The following STYXL2 variants were observed in gnomAD, a reference collection of about 807,000 sequenced individuals.
STYXL2 encodes serine/threonine/tyrosine-interacting-like protein 2.
Under a neutral mutation model 52.4 loss-of-function variants are expected in STYXL2, and 44 were observed. The observed-to-expected ratio is 0.84, with a 90% CI of 0.66 to 1.08. The LOEUF (loss-of-function observed/expected upper bound fraction) is 1.08, where lower values mean the gene tolerates loss of function less well. Among genes scored for constraint, STYXL2 ranks in the 50% least tolerant of loss-of-function variants. STYXL2 has a pLI of 0.00. For missense variants in STYXL2, 1,604 were observed against 1,471.7 expected (o/e 1.09, Z -1.47); for synonymous variants, 604 against 586.9 (o/e 1.03, Z -0.42).
At chr1:167,099,883 C>G (rs903590567) in intron 2 of STYXL2, among the ~76,000 whole-genome samples, 1 of 152,188 alleles carries the variant, frequency 6.6e-6, no homozygotes, top group African/African-American at 2.4e-5. Flanking sequence ...ATGAACTGTC[C>G]AATTAGCAGT....
intron 5 of STYXL2, 55 bp downstream of exon 5, chr1:167,119,521 T>C: frequency 1.3e-6 from 2 of 1,513,814 alleles, no homozygotes; most frequent in Non-Finnish European, 1.8e-6. Flanking sequence ...AAAAGTAATG[T>C]GGGGAATGTT....
Position 167,128,338 on chromosome 1 carries a change from A to G in STYXL2, c.3207A>G (p.Glu1069=). 5 of 1,614,096 alleles carry G rather than the reference A, an allele frequency of 3.1e-6. No homozygotes were observed. Among genetic ancestry groups the G allele is most frequent in the Non-Finnish European group, 4.2e-6 (5 of 1,179,982 alleles). Residue 1069 remains glutamate (E), a synonymous_variant, in exon 6 of 6, where the codon GAA becomes GAG. Transcript: ENST00000361200. ...ATTGGGCCAGGTCCAGGGACTGGGA[A>G]GATGTGGAAGAGTCATCCAAGTCAG... ...RPNWARSRDW[E]DVEESSKSDF...
intron 2 of STYXL2, among the ~76,000 whole-genome samples, chr1:167,111,543 T>C (rs894749490): frequency 1.4e-5 from 2 of 143,792 alleles, no homozygotes; most frequent in South Asian, 4.4e-4. Context: ...TATATATATA[T>C]ACTATGGAAT....
chr1:167,121,565 A>T (rs1323558667), intron 5 of STYXL2, among the ~76,000 whole-genome samples: 1 of 152,264 alleles, frequency 6.6e-6, no homozygotes, highest in Non-Finnish European at 1.5e-5. Flanking sequence ...CAGAAGCGAT[A>T]GCCAGCCTTG....
intron 2 of STYXL2, among the ~76,000 whole-genome samples, chr1:167,106,193 G>C (rs1195248261): frequency 1.3e-5 from 2 of 152,154 alleles, no homozygotes; most frequent in Non-Finnish European, 2.9e-5. Context: ...AAAGTGGCAG[G>C]ATGGAGTGCT....
chr1:167,096,340 C>T (rs999896433), intron 2 of STYXL2, among the ~76,000 whole-genome samples: 2 of 152,188 alleles, frequency 1.3e-5, no homozygotes, highest in Non-Finnish European at 2.9e-5. Flanking sequence ...AGGTCCTCCT[C>T]TCTTGTATAC....
chr1:167,119,453 G>A lies in STYXL2; in HGVS notation c.642G>A (p.Leu214=), dbSNP rs1558024397. 1 of 1,614,034 alleles carries A rather than the reference G, an allele frequency of 6.2e-7. No homozygotes were observed. Among genetic ancestry groups the A allele is most frequent in the Non-Finnish European group, 8.5e-7 (1 of 1,179,992 alleles). ...CGTCTGAGTTCCTGGATGAGGCGCT[G>A]CTGACTTACAGAGGTGAGAGGGATC... ...RKASEFLDEA[L]LTYRGKVLVS... Residue 214 remains leucine (L), a synonymous_variant, in exon 5 of 6, where the codon CTG becomes CTA. Coordinates refer to ENST00000361200, the MANE Select transcript of STYXL2 (RefSeq NM_001080426.3).
chr1:167,099,691 A>G (rs954277260), intron 2 of STYXL2, among the ~76,000 whole-genome samples: 7 of 152,262 alleles, frequency 4.6e-5, no homozygotes, highest in African/African-American at 1.7e-4. Context: ...GTAAATTAGT[A>G]CAACCATTTG....
At chr1:167,103,006 G>A (rs766457316) in intron 2 of STYXL2, among the ~76,000 whole-genome samples, 2 of 131,650 alleles carry the variant, frequency 1.5e-5, no homozygotes, top group Non-Finnish European at 3.5e-5. Context: ...CTGAAATCAA[G>A]CTGGTGACAG....
At chr1:167,119,163 A>G (rs1262104297) in intron 4 of STYXL2, 86 bp from the exon 5 acceptor site, 3 of 1,304,508 alleles carry the variant, frequency 2.3e-6, no homozygotes, top group East Asian at 2.5e-5. Flanking sequence ...GTGGCCCTAG[A>G]CTGGCTGAGG....
Position 167,126,248 on chromosome 1 carries a change from C to A in STYXL2, c.1117C>A (p.Arg373Ser), listed in dbSNP as rs760225047. ...DKVPQDGGGW[R>S]SASSGQGGEE... ...GGTCCCCCAGGATGGAGGTGGCTGG[C>A]GCTCAGCCTCCTCTGGCCAGGGTGG... The change falls in exon 6 of 6, where the codon CGC becomes AGC. Residue 373 changes from arginine to serine, a missense_variant. Arg to Ser is a moderately radical substitution (Grantham distance 110). Coordinates refer to ENST00000361200, the MANE Select transcript of STYXL2 (RefSeq NM_001080426.3). The A allele has an allele frequency of 6.5e-7, 1 of 1,542,690 alleles. No homozygotes were observed. The highest frequency in any genetic ancestry group is 2.3e-5 in the East Asian group (1 of 43,624).
At chr1:167,110,910 C>A (rs10918629) in intron 2 of STYXL2, among the ~76,000 whole-genome samples, 16,931 of 152,212 alleles carry the variant, frequency 0.11, 977 homozygotes, top group East Asian at 0.17. Context: ...TCAGGGTCTC[C>A]ACCAGATTCC....
In STYXL2 at chr1:167,126,918, A is replaced by T. The variant is rs750042465; in HGVS notation, c.1787A>T (p.His596Leu). 6.2e-7 allele frequency: 1 copy of T among 1,611,788 alleles called. No individual in the cohort carries two copies. The highest frequency in any genetic ancestry group is 8.5e-7 in the Non-Finnish European group (1 of 1,178,784). The change falls in exon 6 of 6, where the codon CAC becomes CTC. Residue 596 changes from histidine to leucine, a missense_variant. Transcript: ENST00000361200. ...GCCTACCAGGCCTGGAAGCTGAAAC[A>T]CCAGAAGAAGGTGGGCAGTGAGAAC... is the stretch of plus-strand genomic sequence containing the variant. ...LTAYQAWKLK[H>L]QKKVGSENKE...
At chr1:167,123,236 A>G (rs1318242172) in intron 5 of STYXL2, among the ~76,000 whole-genome samples, 1 of 152,196 alleles carries the variant, frequency 6.6e-6, no homozygotes, top group Non-Finnish European at 1.5e-5. Context: ...GAAGTGGGTA[A>G]ACATCCCTGA....
At chr1:167,109,632 C>T (rs756946315) in intron 2 of STYXL2, among the ~76,000 whole-genome samples, 1 of 152,146 alleles carries the variant, frequency 6.6e-6, no homozygotes, top group African/African-American at 2.4e-5. Flanking sequence ...CTCTTGGAAG[C>T]TCTAAGGCCT....
chr1:167,127,003 A>G lies in STYXL2; in HGVS notation c.1872A>G (p.Gln624=), dbSNP rs1465757131. 6.2e-7 allele frequency: 1 copy of G among 1,607,456 alleles called. No individual in the cohort carries two copies. The highest frequency in any genetic ancestry group is 1.7e-5 in the Admixed American group (1 of 59,642). ...ACTCGGCCTTGGCTAAGAAGAGACA[A>G]CGGAGGCTGGAGCTGCTGGAGAGAA... is the stretch of plus-strand genomic sequence containing the variant. ...GEDSALAKKR[Q]RRLELLERSR... The change falls in exon 6 of 6, where the codon CAA becomes CAG. Residue 624 remains glutamine, a synonymous_variant. Transcript: ENST00000361200.
Position 167,125,872 on chromosome 1 carries a change from C to T in STYXL2, c.741C>T (p.Ala247=), listed in dbSNP as rs776997252. 1 of 1,614,082 alleles carries T rather than the reference C, an allele frequency of 6.2e-7. No individual in the cohort carries two copies. The highest frequency in any genetic ancestry group is 1.1e-5 in the South Asian group (1 of 91,072). ...ACCTGATGATCTTCCACAACATGGC[C>T]ATCCTGGAGGCTTTGATGACCGTGC... ...VAYLMIFHNM[A]ILEALMTVRK... Residue 247 remains alanine, a synonymous_variant, in exon 6 of 6, where the codon GCC becomes GCT. Transcript: ENST00000361200.
chr1:167,113,801 GAAGGTAATGCAATC>G lies in STYXL2; in HGVS notation c.205_205+13del, dbSNP rs1667668106. ...CATTGCAGCCAAACAGATCATCAAT[GAAGGTAATGCAATC>G]AAAAGCTGGGTGGAAGCAAAGTCCA... On this transcript the variant is annotated splice_donor_variant and splice_donor_5th_base_variant and coding_sequence_variant and intron_variant, in exon 3 of 6. Coordinates refer to ENST00000361200, the MANE Select transcript of STYXL2 (RefSeq NM_001080426.3). LOFTEE classifies it high-confidence loss of function. 2.5e-6 allele frequency: 4 copies of G among 1,612,792 alleles called. No individual in the cohort carries two copies. In the East Asian group the frequency reaches 8.9e-5, roughly 36 times the overall value.
chr1:167,106,998 C>G (rs147293457), intron 2 of STYXL2, among the ~76,000 whole-genome samples: 21 of 152,214 alleles, frequency 1.4e-4, no homozygotes, highest in African/African-American at 5.1e-4. Context: ...TTTTGTGGGT[C>G]AGGAATTTGG....
Sources: gnomAD v4.1 joint callset for allele counts (sites outside exome capture counted in the v4.1 genomes callset) on GRCh38, gnomAD v4.1.1 for gene constraint, MANE v1.5 for transcripts, NCBI Gene and HGNC (gene_info 2026-07-23, HGNC 2026-07-21) for gene names.